The following MED27 variants were observed in gnomAD, a reference collection of about 807,000 sequenced individuals.
MED27 encodes mediator complex subunit 27.
A neutral mutation model predicts 38.2 loss-of-function variants in MED27; 30 were observed. The ratio of observed to expected loss-of-function variants is 0.79; its 90% CI spans 0.59 to 1.07. The LOEUF is 1.07. Ranked by LOEUF, MED27 falls within the 50% of genes least tolerant of loss-of-function variation. The pLI is 0.00. For missense variants in MED27, 289 were observed against 397.5 expected, an observed-to-expected ratio of 0.73 and a Z score of 2.32; for synonymous variants, 122 against 153.5, an observed-to-expected ratio of 0.79 and a Z score of 1.52.
rs557748004 is a variant in MED27 at position 132,003,023 on chromosome 9, A to G, written c.479+11314T>C. 7.8e-4 allele frequency among the ~76,000 whole-genome samples: 118 copies of G among 152,228 alleles called. No individual in the cohort carries two copies. The highest frequency in any genetic ancestry group is 2.7e-3 in the African/African-American group (114 of 41,564). On this transcript the variant is annotated intron_variant, in intron 3 of 7. Transcript: ENST00000292035. The surrounding 1 kb of genome is among the most constrained non-coding windows in gnomAD (Gnocchi z 4.2). Reference sequence around the variant, plus strand: ...CAAAAGAGTTTCACTTACAACCAGCATTAGTTGGGGGACAGCATGGTGTGA... The same window carrying G: ...CAAAAGAGTTTCACTTACAACCAGCGTTAGTTGGGGGACAGCATGGTGTGA...
rs1838634643 is a variant in MED27, at chr9:131,860,561, A to G, written c.913T>C (p.Phe305Leu). The G allele has an allele frequency of 6.4e-7, 1 of 1,556,158 alleles. No homozygotes were observed. The highest frequency in any genetic ancestry group is 8.7e-7 in the Non-Finnish European group (1 of 1,150,884). ...GGCTACTGCCGGCAGGTGTCATGGA[A>G]GGCTTCGAGGGTTCGGAAATCCCTC... is the stretch of plus-strand genomic sequence containing the variant. ...TWRDFRTLEA[F>L]HDTCRQ Residue 305 changes from phenylalanine to leucine, a missense_variant, in exon 8 of 8, where the codon TTC (phenylalanine) becomes CTC (leucine). Phe to Leu is a conservative substitution (Grantham distance 22, BLOSUM62 0). Transcript: ENST00000292035. This position sits in a 1 kb window ranked among gnomAD's most constrained non-coding sequence, Gnocchi z 5.8.
At chr9:132,028,471 T>C (rs1017591766) in intron 2 of MED27, among the ~76,000 whole-genome samples, 2 of 151,568 alleles carry the variant, frequency 1.3e-5, no homozygotes, top group Non-Finnish European at 2.9e-5. Context: ...CCTAGGACAG[T>C]GCTTGGCACA....
chr9:131,895,396 T>C (rs575349157), intron 4 of MED27, among the ~76,000 whole-genome samples: 1 of 152,258 alleles, frequency 6.6e-6, no homozygotes, highest in South Asian at 2.1e-4. Flanking sequence ...TCCTGATCCT[T>C]CAACTCCGAC....
chr9:131,994,036 T>C (rs1234766754), intron 3 of MED27, among the ~76,000 whole-genome samples: 1 of 152,194 alleles, frequency 6.6e-6, no homozygotes, highest in Non-Finnish European at 1.5e-5. Flanking sequence ...TAAATAATTA[T>C]CTTGTTTCTA....
intron 4 of MED27, among the ~76,000 whole-genome samples, chr9:131,923,653 A>G (rs902643706): frequency 6.6e-6 from 1 of 152,236 alleles, no homozygotes; most frequent in African/African-American, 2.4e-5. Flanking sequence ...AACAGTCAGA[A>G]CTACATAAGA....
At chr9:131,960,921 G>T (rs554702363) in intron 3 of MED27, among the ~76,000 whole-genome samples, 1 of 152,288 alleles carries the variant, frequency 6.6e-6, no homozygotes, top group South Asian at 2.1e-4. Flanking sequence ...TTAAATATTA[G>T]GCAAAACGTA....
In MED27 at chr9:132,016,487, GT is replaced by G. The variant is rs1174600530; in HGVS notation, c.349-2021del. On this transcript the variant is annotated intron_variant, in intron 2 of 7. Coordinates refer to ENST00000292035, the MANE Select transcript of MED27 (RefSeq NM_004269.4). ...AGACCAATGAATTTTCCTCAAATTT[GT>G]TTTTTTCCTACAGATTTCTTAAATG... is the stretch of plus-strand genomic sequence containing the variant. Among the ~76,000 whole-genome samples the G allele has an allele frequency of 6.6e-5, 10 of 152,258 alleles. No individual in the cohort carries two copies. The South Asian group carries it at 1.7e-3, about 25-fold the overall frequency.
At chr9:131,902,596 G>T (rs532497601) in intron 4 of MED27, among the ~76,000 whole-genome samples, 15 of 152,278 alleles carry the variant, frequency 9.9e-5, no homozygotes, top group African/African-American at 3.6e-4. Flanking sequence ...TAAAACCGAT[G>T]TTCTTCCATA....
At chr9:131,863,246 C>A in intron 6 of MED27, 106 bp from the exon 7 acceptor site, 1 of 874,046 alleles carries the variant, frequency 1.1e-6, no homozygotes, top group South Asian at 1.7e-5. Context: ...CTGAGTATCT[C>A]GTGGAGGAAA....
At chr9:132,035,283 T>A (rs1352827162) in intron 2 of MED27, among the ~76,000 whole-genome samples, 1 of 152,210 alleles carries the variant, frequency 6.6e-6, no homozygotes, top group Admixed American at 6.5e-5. Flanking sequence ...CAATAATGAA[T>A]AATGAATATT....
chr9:131,880,432 C>T (rs1411618680), intron 6 of MED27, among the ~76,000 whole-genome samples: 1 of 152,168 alleles, frequency 6.6e-6, no homozygotes, highest in East Asian at 1.9e-4. Context: ...AATCAGAAGG[C>T]ACTACCACCT....
Position 131,862,035 on chromosome 9 carries a change from G to C in MED27, c.801+1028C>G, listed in dbSNP as rs965546191. ...TGAAATTGGAGCTCTTGCTGAAGAT[G>C]GTCAGGGGAACTGTTCCCTGGACAC... On this transcript the variant is annotated intron_variant, in intron 7 of 7. Transcript: ENST00000292035. This position sits in a 1 kb window ranked among gnomAD's most constrained non-coding sequence, Gnocchi z 4.6. Among the ~76,000 whole-genome samples, 1 of 152,186 alleles carries C rather than the reference G, an allele frequency of 6.6e-6. No homozygotes were observed. The highest frequency in any genetic ancestry group is 1.5e-5 in the Non-Finnish European group (1 of 68,030).
At chr9:131,871,506 A>C (rs1296891106) in intron 6 of MED27, among the ~76,000 whole-genome samples, 1 of 152,230 alleles carries the variant, frequency 6.6e-6, no homozygotes, top group African/African-American at 2.4e-5. Flanking sequence ...TGGCAATGCC[A>C]GTCACCAGCC....
intron 2 of MED27, among the ~76,000 whole-genome samples, chr9:132,063,732 A>T (rs1317589583): frequency 6.6e-6 from 1 of 152,136 alleles, no homozygotes; most frequent in African/African-American, 2.4e-5. Flanking sequence ...GTTAGGCAGG[A>T]ACACCTCCAC....
Position 131,893,947 on chromosome 9 carries a change from G to A in MED27, c.619C>T (p.Leu207=). The change falls in exon 5 of 8, where the codon CTG becomes TTG. Residue 207 remains leucine (L), a synonymous_variant. Coordinates refer to ENST00000292035, the MANE Select transcript of MED27 (RefSeq NM_004269.4). ...TTTACTATTGTTCGATCAATGAACA[G>A]GCTCCGCATGACGACGATCACTTTC... The part of the protein sequence containing the change: ...VLKVIVVMRS[L]FIDRTIVKGY... 1 of 1,614,178 alleles carries A rather than the reference G, an allele frequency of 6.2e-7. No homozygotes were observed. The highest frequency in any genetic ancestry group is 1.3e-5 in the African/African-American group (1 of 75,044).
At chr9:131,975,565 T>C (rs1196275036) in intron 3 of MED27, among the ~76,000 whole-genome samples, 3 of 152,238 alleles carry the variant, frequency 2.0e-5, no homozygotes, top group Non-Finnish European at 4.4e-5. Flanking sequence ...CAGTCATTCA[T>C]TCTTTTGACC....
intron 6 of MED27, among the ~76,000 whole-genome samples, chr9:131,866,234 T>C (rs908068434): frequency 6.6e-6 from 1 of 152,216 alleles, no homozygotes; most frequent in African/African-American, 2.4e-5. Flanking sequence ...CTTCCTCAGC[T>C]GACCTCTGGA....
chr9:131,969,507 T>A (rs972553768), intron 3 of MED27, among the ~76,000 whole-genome samples: 13 of 152,198 alleles, frequency 8.5e-5, no homozygotes, highest in African/African-American at 3.1e-4. Flanking sequence ...CAGGGTAACA[T>A]AATCATAATA....
At chr9:131,932,963 T>C (rs1830616302) in intron 4 of MED27, among the ~76,000 whole-genome samples, 2 of 152,124 alleles carry the variant, frequency 1.3e-5, no homozygotes, top group South Asian at 4.1e-4. Context: ...TGGTTCAACA[T>C]ACACAAATCA....
Sources: gnomAD v4.1 joint callset for allele counts (sites outside exome capture counted in the v4.1 genomes callset) on GRCh38, gnomAD v4.1.1 for gene constraint, Gnocchi (gnomAD v3.1) non-coding constraint, MANE v1.5 for transcripts, NCBI Gene and HGNC (gene_info 2026-07-23, HGNC 2026-07-21) for gene names.